The following PARL variants were observed in gnomAD, a reference collection of about 807,000 sequenced individuals.
PARL encodes presenilin associated rhomboid like.
PARL carries 44 observed loss-of-function variants against 51.6 expected under a neutral mutation model. The observed-to-expected ratio is 0.85, with a 90% CI of 0.67 to 1.10. The LOEUF is 1.10. Among genes scored for constraint, PARL ranks in the 50% least tolerant of loss-of-function variants. The pLI is 0.00. For synonymous variants in PARL, 172 were observed against 164.0 expected (o/e 1.05, Z -0.37); for missense variants, 441 against 469.5 (o/e 0.94, Z 0.56).
intron 7 of PARL, among the ~76,000 whole-genome samples, chr3:183,837,569 C>T (rs1035112534): frequency 2.0e-5 from 3 of 152,156 alleles, no homozygotes; most frequent in Non-Finnish European, 4.4e-5. Context: ...CCATCCCTGC[C>T]CTGCAGTGAC....
chr3:183,864,740 C>G (rs2108673372), intron 3 of PARL, among the ~76,000 whole-genome samples: 1 of 150,990 alleles, frequency 6.6e-6, no homozygotes, highest in South Asian at 2.1e-4. Flanking sequence ...CGCGCCACTG[C>G]ACTCCAGCCT....
intron 1 of PARL, among the ~76,000 whole-genome samples, chr3:183,882,232 TA>T (rs1560442077): frequency 2.9e-4 from 6 of 20,672 alleles, no homozygotes; most frequent in East Asian, 3.8e-3. Context: ...AATATATATA[TA>T]TATATATATA....
chr3:183,873,943 T>G (rs539272691), intron 1 of PARL, among the ~76,000 whole-genome samples: 2 of 152,192 alleles, frequency 1.3e-5, no homozygotes, highest in Non-Finnish European at 2.9e-5. Context: ...GTACACATAC[T>G]GAATACATCA....
chr3:183,872,250 C>T (rs112046850), intron 1 of PARL, among the ~76,000 whole-genome samples: 5 of 152,270 alleles, frequency 3.3e-5, no homozygotes, highest in Non-Finnish European at 5.9e-5. Context: ...GATCCACCCG[C>T]CTCGGCCTCC....
chr3:183,842,294 T>A lies in PARL; in HGVS notation c.757+4A>T. The A allele has an allele frequency of 6.2e-7, 1 of 1,612,044 alleles. No homozygotes were observed. Among genetic ancestry groups the A allele is most frequent in the Admixed American group, 1.7e-5 (1 of 60,020 alleles). ...TCAAAGGCCCCGAGATTAAAGCATA[T>A]TACCTGCAGATAGGTACACTGCCAT... On this transcript the variant is annotated splice_donor_region_variant and intron_variant, in intron 6 of 9. Transcript: ENST00000317096.
intron 9 of PARL, among the ~76,000 whole-genome samples, chr3:183,833,173 AAAG>A (rs545120125): frequency 5.5e-4 from 84 of 152,294 alleles, no homozygotes; most frequent in South Asian, 1.9e-3. Context: ...TGAAGGGGAA[AAAG>A]AAGATGTCAG....
intron 1 of PARL, among the ~76,000 whole-genome samples, chr3:183,874,982 A>T (rs577994211): frequency 4.7e-4 from 72 of 152,320 alleles, no homozygotes; most frequent in Non-Finnish European, 4.4e-5. Context: ...TGAGGCAGGA[A>T]GATCACTTGA....
intron 7 of PARL, among the ~76,000 whole-genome samples, chr3:183,837,450 C>T (rs1728755077): frequency 1.3e-5 from 2 of 152,324 alleles, no homozygotes; most frequent in Admixed American, 1.3e-4. Context: ...TGTAATGAGG[C>T]ATCCCAATAC....
chr3:183,826,714 C>G, downstream of PARL: 1 of 985,304 alleles, frequency 1.0e-6, no homozygotes, highest in East Asian at 1.1e-4. Context: ...AGGCGAGGCG[C>G]CAGGTGTAGA....
intron 4 of PARL, among the ~76,000 whole-genome samples, chr3:183,855,651 G>A (rs915151173): frequency 6.6e-6 from 1 of 152,128 alleles, no homozygotes; most frequent in Admixed American, 6.5e-5. Flanking sequence ...TAGAATCAGT[G>A]GGAACCCTGA....
chr3:183,845,342 C>T (rs1012773596), intron 4 of PARL, among the ~76,000 whole-genome samples: 4 of 152,122 alleles, frequency 2.6e-5, no homozygotes, highest in African/African-American at 9.7e-5. Context: ...TGCTCTCCCA[C>T]TTGAGAGGTG....
intron 3 of PARL, among the ~76,000 whole-genome samples, chr3:183,864,592 C>G (rs1368397512): frequency 6.6e-6 from 1 of 151,812 alleles, no homozygotes; most frequent in Non-Finnish European, 1.5e-5. Context: ...CTGGCTAACA[C>G]GGTGAAACCC....
chr3:183,883,679 C>T lies in PARL; in HGVS notation c.125+1043G>A, dbSNP rs946175731. 5 of 984,972 alleles carry T rather than the reference C, an allele frequency of 5.1e-6. No homozygotes were observed. In the African/African-American group the frequency reaches 7.0e-5, roughly 14 times the overall value. The allele number at this position is 984,972 out of a possible 1,614,324, so 61.0% of individuals were successfully genotyped here. On this transcript the variant is annotated intron_variant, in intron 1 of 9. Transcript: ENST00000317096. Reference sequence around the variant, plus strand: ...CCAGGAGTTTAAGATTAGTGCCTGACAGATCTATGTTAGTGTATGAAGATA... The same window carrying T: ...CCAGGAGTTTAAGATTAGTGCCTGATAGATCTATGTTAGTGTATGAAGATA...
chr3:183,843,831 G>A (rs1045804977), intron 5 of PARL, among the ~76,000 whole-genome samples: 1 of 151,784 alleles, frequency 6.6e-6, no homozygotes, highest in Non-Finnish European at 1.5e-5. Context: ...CTGAGGTCAG[G>A]TGTTCAAGAA....
intron 9 of PARL, among the ~76,000 whole-genome samples, chr3:183,833,179 G>A (rs1728153570): frequency 6.6e-6 from 1 of 152,196 alleles, no homozygotes; most frequent in South Asian, 2.1e-4. Flanking sequence ...GGAAAAAGAA[G>A]ATGTCAGCAT....
In PARL at chr3:183,832,551, A is replaced by T. The variant is rs78600732; in HGVS notation, c.1028+941T>A. On this transcript the variant is annotated intron_variant, in intron 9 of 9. Transcript: ENST00000317096. ...ATTTTTCTTTTTAATAAAAAAAAAA[A>T]TTAAGTTTTCCATTGTCGCGGAACA... Among the ~76,000 whole-genome samples, 308 of 152,316 alleles carry T rather than the reference A, an allele frequency of 2.0e-3. 2 individuals are homozygous for T. Among genetic ancestry groups the T allele is most frequent in the African/African-American group, 7.1e-3 (297 of 41,570 alleles).
chr3:183,866,556 G>C, intron 3 of PARL, 69 bp downstream of exon 3: 1 of 1,244,096 alleles, frequency 8.0e-7, no homozygotes, highest in South Asian at 1.2e-5. Flanking sequence ...GAAAACACGT[G>C]CATCTATTAA....
At chr3:183,845,572 G>T (rs1362106217) in intron 4 of PARL, among the ~76,000 whole-genome samples, 1 of 152,142 alleles carries the variant, frequency 6.6e-6, no homozygotes, top group Non-Finnish European at 1.5e-5. Flanking sequence ...TAATTACCCA[G>T]AACTCTTTTA....
At chr3:183,840,472 A>G (rs1729160992) in intron 7 of PARL, 98 bp downstream of exon 7, 1 of 650,028 alleles carries the variant, frequency 1.5e-6, no homozygotes, top group African/African-American at 1.8e-5. Flanking sequence ...GGTATATGAG[A>G]ACCTCTTATC....
Sources: gnomAD v4.1 joint callset for allele counts (sites outside exome capture counted in the v4.1 genomes callset) on GRCh38, gnomAD v4.1.1 for gene constraint, MANE v1.5 for transcripts, NCBI Gene and HGNC (gene_info 2026-07-23, HGNC 2026-07-21) for gene names.